SGK3: variants seen among roughly 807,000 people sequenced by gnomAD.
SGK3 encodes serum/glucocorticoid regulated kinase family member 3, also known as serine/threonine-protein kinase Sgk3.
In SGK3, 47 loss-of-function variants were observed where a neutral mutation model predicts 68.5. The ratio of observed to expected loss-of-function variants is 0.69; its 90% CI spans 0.54 to 0.87. The LOEUF is 0.87. Among genes scored for constraint, SGK3 ranks in the 40% least tolerant of loss-of-function variants. The pLI, the probability that SGK3 is intolerant of heterozygous loss-of-function variation, is 0.00. For missense variants in SGK3, 479 were observed against 575.5 expected, an observed-to-expected ratio of 0.83 and a Z score of 1.72; for synonymous variants, 181 against 189.1, an observed-to-expected ratio of 0.96 and a Z score of 0.35.
At position 66,772,718 on chromosome 8, in the gene SGK3, G is replaced by A. The variant is rs534894406; in HGVS notation, c.-121-20898G>A. Reference sequence around the variant, plus strand: ...TGGGACTACAGGTGCCTGCCACCACGCCTGGCTAATTCTTTTGTATTTTTA... The same window carrying A: ...TGGGACTACAGGTGCCTGCCACCACACCTGGCTAATTCTTTTGTATTTTTA... On this transcript the variant is annotated intron_variant, in intron 1 of 16. Transcript: ENST00000521198. 1.1e-4 allele frequency among the ~76,000 whole-genome samples: 16 copies of A among 152,092 alleles called. 1 individual carries two copies. The South Asian group carries it at 2.7e-3, about 26-fold the overall frequency.
chr8:66,825,124 G>A (rs1356189047), intron 6 of SGK3, among the ~76,000 whole-genome samples: 2 of 152,110 alleles, frequency 1.3e-5, no homozygotes, highest in Non-Finnish European at 2.9e-5. Context: ...CAGACAACTC[G>A]AAGATAGAAC....
chr8:66,831,464 C>T (rs915031179), intron 8 of SGK3, among the ~76,000 whole-genome samples, 153 bp downstream of exon 8: 2 of 151,998 alleles, frequency 1.3e-5, no homozygotes, highest in African/African-American at 2.4e-5. Flanking sequence ...CTCAGCCTCC[C>T]GAGTAGCTGG....
chr8:66,806,493 C>T (rs1156960639), intron 4 of SGK3, among the ~76,000 whole-genome samples: 2 of 152,020 alleles, frequency 1.3e-5, no homozygotes, highest in South Asian at 2.1e-4. Context: ...GCTTTGTTTT[C>T]GCAGCGGAAC....
intron 2 of SGK3, among the ~76,000 whole-genome samples, chr8:66,796,352 T>TA (rs1438346754): frequency 3.2e-4 from 44 of 137,716 alleles, no homozygotes; most frequent in Non-Finnish European, 5.8e-4. Context: ...TTTTTTTTTT[T>TA]AGAAGGGACT....
Position 66,839,533 on chromosome 8 carries a change from A to G in SGK3, c.742-470A>G, listed in dbSNP as rs867609917. Among the ~76,000 whole-genome samples, 420 of 87,878 alleles carry G rather than the reference A, an allele frequency of 4.8e-3. 13 individuals carry two copies. Among genetic ancestry groups the G allele is most frequent in the African/African-American group, 0.02 (400 of 20,032 alleles). The allele number at this position is 87,878 out of a possible 152,430, so 57.7% of individuals were successfully genotyped here. On this transcript the variant is annotated intron_variant, in intron 10 of 16. Transcript: ENST00000521198. ...TATATATATATATATATATATATAT[A>G]TATATATATATATATATATATATAT...
chr8:66,828,892 G>C (rs1353787419), intron 7 of SGK3, among the ~76,000 whole-genome samples, 189 bp downstream of exon 7: 3 of 129,714 alleles, frequency 2.3e-5, no homozygotes, highest in African/African-American at 8.7e-5. Flanking sequence ...TAGCCCTGAG[G>C]AATTTTTAAT....
intron 10 of SGK3, among the ~76,000 whole-genome samples, chr8:66,837,597 A>G (rs939112245): frequency 1.3e-5 from 2 of 152,122 alleles, no homozygotes; most frequent in Non-Finnish European, 2.9e-5. Context: ...CCTGGGCAAC[A>G]TGGCGAAACC....
intron 1 of SGK3, among the ~76,000 whole-genome samples, chr8:66,761,770 A>C (rs1806170734): frequency 1.3e-5 from 2 of 152,132 alleles, no homozygotes; most frequent in Non-Finnish European, 2.9e-5. Flanking sequence ...CTCTCTCTAA[A>C]AAAAAAATAA....
At chr8:66,718,340 T>C (rs1227263388) in intron 1 of SGK3, among the ~76,000 whole-genome samples, 2 of 151,914 alleles carry the variant, frequency 1.3e-5, no homozygotes, top group African/African-American at 4.8e-5. Flanking sequence ...CCCTATTTTC[T>C]AACCAAAAAT....
chr8:66,734,224 CTTTCTT>C (rs996336880), intron 1 of SGK3, among the ~76,000 whole-genome samples: 4 of 109,000 alleles, frequency 3.7e-5, no homozygotes, highest in African/African-American at 1.4e-4. Flanking sequence ...TTTTCTTTTT[CTTTCTT>C]TTTTTTTTTT....
intron 16 of SGK3, among the ~76,000 whole-genome samples, chr8:66,858,535 A>G (rs555913207): frequency 6.6e-6 from 1 of 151,974 alleles, no homozygotes; most frequent in East Asian, 1.9e-4. Context: ...ACTTGGGTGT[A>G]GTGTGAGGCA....
rs117047579 is a variant in SGK3 at position 66,763,032 on chromosome 8, C to T, written c.-121-30584C>T. On this transcript the variant is annotated intron_variant, in intron 1 of 16. Coordinates refer to ENST00000521198, the MANE Select transcript of SGK3 (RefSeq NM_001033578.3). ...AGCAGCCATTGATCATCATTGCCTA[C>T]GTGCATTAATTCATTAATTAATTCA... 5.0e-3 allele frequency among the ~76,000 whole-genome samples: 765 copies of T among 152,334 alleles called. 6 individuals are homozygous for T. The highest frequency in any genetic ancestry group is 8.8e-3 in the Non-Finnish European group (598 of 68,026).
At chr8:66,855,518 T>C (rs991061919) in intron 16 of SGK3, among the ~76,000 whole-genome samples, 2 of 152,180 alleles carry the variant, frequency 1.3e-5, no homozygotes, top group African/African-American at 4.8e-5. Context: ...CATAAGATTT[T>C]AGTATATGTG....
intron 7 of SGK3, 104 bp from the exon 8 acceptor site, chr8:66,831,150 T>C (rs1433253242): frequency 7.3e-7 from 1 of 1,375,926 alleles, no homozygotes. Flanking sequence ...CTGAAGTGTT[T>C]TGTGCCTAAC....
At chr8:66,812,471 C>A (rs778098369) in intron 4 of SGK3, among the ~76,000 whole-genome samples, 2 of 151,576 alleles carry the variant, frequency 1.3e-5, no homozygotes, top group African/African-American at 4.9e-5. Context: ...GCAGGAGAAT[C>A]GCTTGAAACT....
chr8:66,767,874 T>G (rs1159635130), intron 1 of SGK3: 1 of 1,333,960 alleles, frequency 7.5e-7, no homozygotes, highest in Admixed American at 1.7e-5. Flanking sequence ...TGCCAAAACA[T>G]GATATTGAAA....
At chr8:66,717,220 AAAAAAAACAAAAAAAAC>A in intron 1 of SGK3, among the ~76,000 whole-genome samples, 1 of 112,590 alleles carries the variant, frequency 8.9e-6, no homozygotes, top group African/African-American at 5.7e-5. Flanking sequence ...AAAAAAAAAC[AAAAAAAACAAAAAAAAC>A]AAAAAAAAAA....
chr8:66,818,477 A>C (rs898244934), intron 5 of SGK3, among the ~76,000 whole-genome samples: 1 of 152,236 alleles, frequency 6.6e-6, no homozygotes, highest in Non-Finnish European at 1.5e-5. Context: ...ATAAATTATG[A>C]GAAATAAATG....
rs1397759440 is a variant in SGK3, at chr8:66,789,700, G to T, written c.-121-3916G>T. Among the ~76,000 whole-genome samples the T allele has an allele frequency of 2.0e-5, 3 of 152,266 alleles. No individual in the cohort carries two copies. The East Asian group carries it at 5.8e-4, about 29-fold the overall frequency. On this transcript the variant is annotated intron_variant, in intron 1 of 16. Transcript: ENST00000521198. ...ATTATATATTCCTATTTCTGTAGTG[G>T]ACAATCATCCTGGAAAATTGCTGCA... is the stretch of plus-strand genomic sequence containing the variant.
Sources: allele counts gnomAD v4.1 joint callset (sites outside exome capture counted in the v4.1 genomes callset), GRCh38; gene constraint gnomAD v4.1.1; transcripts MANE v1.5; gene names NCBI Gene and HGNC (gene_info 2026-07-23, HGNC 2026-07-21).